The following DGKI variants were observed in gnomAD, a reference collection of about 807,000 sequenced individuals.
The protein encoded by DGKI is DAG kinase iota.
In DGKI, 55 loss-of-function variants were observed where a neutral mutation model predicts 147.5. The observed-to-expected ratio is 0.37, with a 90% CI of 0.30 to 0.47. The LOEUF (loss-of-function observed/expected upper bound fraction) is 0.47, where lower values mean the gene tolerates loss of function less well. Among genes scored for constraint, DGKI ranks in the 20% least tolerant of loss-of-function variants. The pLI is 1.00. For missense variants in DGKI, 1,007 were observed against 1,323.8 expected (o/e 0.76, Z 3.71); for synonymous variants, 469 against 477.1 (o/e 0.98, Z 0.22).
In DGKI at chr7:137,388,153, A is replaced by C. The variant is rs2128891023; in HGVS notation, c.*3067T>G. 6.6e-6 allele frequency: 1 copy of C among 152,308 alleles called. No homozygotes were observed. Among genetic ancestry groups the C allele is most frequent in the African/African-American group, 2.4e-5 (1 of 41,574 alleles). 9.4% of individuals were successfully genotyped at this position (152,308 alleles called of 1,614,324 possible). ...CATAAGCTCTGAAAGCAAAATTCCT[A>C]GTCATGGTATTTATTCCATTCTTGG... On this transcript the variant is annotated 3_prime_UTR_variant, in exon 33 of 33. Transcript: ENST00000614521.
chr7:137,476,320 C>CA (rs956980384), intron 23 of DGKI, among the ~76,000 whole-genome samples: 5 of 151,562 alleles, frequency 3.3e-5, no homozygotes, highest in African/African-American at 9.7e-5. Context: ...GGTAATTTTC[C>CA]TTTTTTTTTC....
intron 27 of DGKI, among the ~76,000 whole-genome samples, chr7:137,459,549 A>T (rs1814343219): frequency 7.5e-6 from 1 of 133,336 alleles, no homozygotes; most frequent in Non-Finnish European, 1.5e-5. Context: ...GTCTTGGCTC[A>T]CTGCAAGCTC....
intron 23 of DGKI, among the ~76,000 whole-genome samples, chr7:137,474,839 G>A (rs534888877): frequency 2.0e-5 from 3 of 152,262 alleles, no homozygotes; most frequent in Non-Finnish European, 4.4e-5. Flanking sequence ...TGAGAGGCAC[G>A]ACAATCCTGG....
chr7:137,700,642 C>G (rs552042944), intron 1 of DGKI, among the ~76,000 whole-genome samples: 19 of 152,242 alleles, frequency 1.2e-4, no homozygotes, highest in African/African-American at 4.6e-4. Context: ...CTTTGGGAGG[C>G]CAAGGCAGGT....
intron 1 of DGKI, among the ~76,000 whole-genome samples, chr7:137,698,719 C>T (rs1308586081): frequency 6.6e-6 from 1 of 152,042 alleles, no homozygotes; most frequent in Non-Finnish European, 1.5e-5. Flanking sequence ...TGAAATGGAT[C>T]GTTTTGCTAT....
rs147933604 is a variant in DGKI, at chr7:137,391,205, G to T, written c.*15C>A. 515 of 1,599,184 alleles carry T rather than the reference G, an allele frequency of 3.2e-4. 7 individuals carry two copies. In the East Asian group the frequency reaches 0.011, roughly 35 times the overall value. ...TGATACGCTTGCTCATGTCCTCTTT[G>T]CCCGAATACCAGGGTCAAACAGCAG... On this transcript the variant is annotated 3_prime_UTR_variant, in exon 33 of 33. Transcript: ENST00000614521.
At chr7:137,737,258 A>T (rs1795051796) in intron 1 of DGKI, among the ~76,000 whole-genome samples, 1 of 151,672 alleles carries the variant, frequency 6.6e-6, no homozygotes, top group Admixed American at 6.6e-5. Flanking sequence ...GAAACATGAG[A>T]TAACTATTTG....
chr7:137,846,970 G>T lies in DGKI; in HGVS notation c.-108C>A. On this transcript the variant is annotated 5_prime_UTR_variant, in exon 1 of 33. Coordinates refer to ENST00000614521, the MANE Select transcript of DGKI (RefSeq NM_001321708.2). The surrounding 1 kb of genome is among the most constrained non-coding windows in gnomAD (Gnocchi z 4.0). ...CTCCCGCGCCCTCCCGCGCCGGCCCGCACCCTCCAGCCCCGCCGGCCTCTT... is the reference window on the plus strand; with the variant it reads ...CTCCCGCGCCCTCCCGCGCCGGCCCTCACCCTCCAGCCCCGCCGGCCTCTT... 1.2e-6 allele frequency: 1 copy of T among 858,656 alleles called. No homozygotes were observed. The highest frequency in any genetic ancestry group is 1.4e-6 in the Non-Finnish European group (1 of 704,460). The allele number at this position is 858,656 out of a possible 1,614,324, so 53.2% of individuals were successfully genotyped here. A position where few individuals can be genotyped will look rare whatever the true frequency, so the allele number is the denominator to read the frequency against.
intron 10 of DGKI, among the ~76,000 whole-genome samples, chr7:137,605,743 T>C (rs1222660843): frequency 1.1e-4 from 16 of 152,214 alleles, no homozygotes; most frequent in Admixed American, 9.8e-4. Flanking sequence ...CACTCATATG[T>C]AGTAGAGCTA....
At chr7:137,785,493 CAA>C (rs962810515) in intron 1 of DGKI, among the ~76,000 whole-genome samples, 1 of 144,742 alleles carries the variant, frequency 6.9e-6, no homozygotes. Flanking sequence ...AAATTGCCAA[CAA>C]AAAAAAAAGT....
chr7:137,479,184 T>C (rs1003661534), intron 23 of DGKI, among the ~76,000 whole-genome samples: 13 of 152,192 alleles, frequency 8.5e-5, no homozygotes, highest in African/African-American at 1.2e-4. Flanking sequence ...AATGCAACTG[T>C]CATTGCTCTG....
At chr7:137,740,620 C>A (rs942442614) in intron 1 of DGKI, among the ~76,000 whole-genome samples, 13 of 152,306 alleles carry the variant, frequency 8.5e-5, no homozygotes, top group African/African-American at 3.1e-4. Context: ...CCCTCCCCTA[C>A]CCGATATCCC....
At chr7:137,788,410 A>G (rs772052311) in intron 1 of DGKI, among the ~76,000 whole-genome samples, 50 of 152,010 alleles carry the variant, frequency 3.3e-4, no homozygotes, top group Admixed American at 2.6e-4. Context: ...CTAAACTGGA[A>G]CACTCAATTG....
rs574449741 is a variant in DGKI, at chr7:137,415,052, G to A, written c.2762-2845C>T. ...CTTCAGAAGGAGCCTACCAATAAGGGTAAAATTGGCATGTGAAGCTGGGCA... is the reference window on the plus strand; with the variant it reads ...CTTCAGAAGGAGCCTACCAATAAGGATAAAATTGGCATGTGAAGCTGGGCA... On this transcript the variant is annotated intron_variant, in intron 28 of 32. Transcript: ENST00000614521. Among the ~76,000 whole-genome samples, 32 of 152,230 alleles carry A rather than the reference G, an allele frequency of 2.1e-4. No homozygotes were observed. In the South Asian group the frequency reaches 5.0e-3, roughly 24 times the overall value.
intron 27 of DGKI, among the ~76,000 whole-genome samples, chr7:137,461,320 T>G (rs1416387577): frequency 1.3e-5 from 2 of 152,232 alleles, no homozygotes; most frequent in Non-Finnish European, 2.9e-5. Context: ...AAGCAACAGC[T>G]AAATTTAAAA....
intron 1 of DGKI, among the ~76,000 whole-genome samples, chr7:137,692,924 A>G (rs1468305714): frequency 6.6e-6 from 1 of 152,216 alleles, no homozygotes; most frequent in Non-Finnish European, 1.5e-5. Flanking sequence ...TGCCCTCACA[A>G]AAGGACATAC....
intron 21 of DGKI, among the ~76,000 whole-genome samples, chr7:137,488,079 C>T (rs574647535): frequency 3.1e-4 from 47 of 152,238 alleles, no homozygotes; most frequent in African/African-American, 1.1e-3. Flanking sequence ...TTGCAATAGA[C>T]AACATGAGGA....
At chr7:137,790,579 C>T (rs1796821337) in intron 1 of DGKI, among the ~76,000 whole-genome samples, 1 of 152,138 alleles carries the variant, frequency 6.6e-6, no homozygotes, top group Admixed American at 6.5e-5. Flanking sequence ...CAGTCTGAGG[C>T]GTGGAGCAAT....
intron 3 of DGKI, among the ~76,000 whole-genome samples, chr7:137,656,838 C>A (rs775751446): frequency 6.6e-6 from 1 of 152,106 alleles, no homozygotes; most frequent in Non-Finnish European, 1.5e-5. Flanking sequence ...CAAGAACTGG[C>A]TCTTTGTTCT....
Sources: gnomAD v4.1 joint callset for allele counts (sites outside exome capture counted in the v4.1 genomes callset) on GRCh38, gnomAD v4.1.1 for gene constraint, Gnocchi (gnomAD v3.1) non-coding constraint, MANE v1.5 for transcripts, NCBI Gene and HGNC (gene_info 2026-07-23, HGNC 2026-07-21) for gene names.